ANKRD30B: variants seen among roughly 807,000 people sequenced by gnomAD.
ANKRD30B encodes ankyrin repeat domain-containing protein 30B.
In ANKRD30B, 144 loss-of-function variants were observed where a neutral mutation model predicts 202.2. The ratio of observed to expected loss-of-function variants is 0.71; its 90% CI spans 0.62 to 0.82. ANKRD30B has a LOEUF of 0.82. Among genes scored for constraint, ANKRD30B ranks in the 40% least tolerant of loss-of-function variants. ANKRD30B has a pLI of 0.00. For synonymous variants in ANKRD30B, 508 were observed against 561.3 expected (o/e 0.91, Z 1.34); for missense variants, 1,487 against 1,669.1 (o/e 0.89, Z 1.90).
chr18:14,803,589 GTTTCAACACA>G (rs1969321627), intron 23 of ANKRD30B, 135 bp from the exon 24 acceptor site: 1 of 917,372 alleles, frequency 1.1e-6, no homozygotes, highest in Admixed American at 2.1e-5. Flanking sequence ...AATGTTTTGG[GTTTCAACACA>G]TGTCTGCTCT....
At chr18:14,754,549 A>G (rs1914021111) in intron 3 of ANKRD30B, among the ~76,000 whole-genome samples, 2 of 152,170 alleles carry the variant, frequency 1.3e-5, no homozygotes, top group Non-Finnish European at 2.9e-5. Flanking sequence ...TCATTTAGTC[A>G]AAAACAAAGT....
intron 10 of ANKRD30B, among the ~76,000 whole-genome samples, chr18:14,778,584 G>A (rs1362624071): frequency 3.9e-5 from 6 of 152,160 alleles, no homozygotes; most frequent in African/African-American, 1.4e-4. Context: ...TGTTTTATCT[G>A]CAAAGGGTTA....
intron 30 of ANKRD30B, among the ~76,000 whole-genome samples, chr18:14,821,304 C>A (rs1970409529): frequency 6.6e-6 from 1 of 151,986 alleles, no homozygotes; most frequent in Non-Finnish European, 1.5e-5. Flanking sequence ...TTGATCCTTT[C>A]AAAAAACCAG....
At chr18:14,864,424 A>C in the ANKRD30B span, among the ~76,000 whole-genome samples, 1 of 152,206 alleles carries the variant, frequency 6.6e-6, no homozygotes, top group East Asian at 1.9e-4. Flanking sequence ...GAAGAGTATT[A>C]AAAAATCAGT....
At position 14,791,621 on chromosome 18, in the gene ANKRD30B, C is replaced by T. The variant is rs67282980; in HGVS notation, c.1825+130C>T. On this transcript the variant is annotated intron_variant, in intron 16 of 43. Coordinates refer to ENST00000690538, the MANE Select transcript of ANKRD30B (RefSeq NM_001367607.2). ...AAGCACAGAAAAAAGAGAAGTGAAA[C>T]GGTGATAAGTTATACGTCTTATCAG... 3,161 of 695,028 alleles carry T rather than the reference C, an allele frequency of 4.5e-3. 84 individuals are homozygous for T. In the African/African-American group the frequency reaches 0.051, roughly 11 times the overall value. 43.1% of individuals were successfully genotyped at this position (695,028 alleles called of 1,614,324 possible). A position where few individuals can be genotyped will look rare whatever the true frequency, so the allele number is the denominator to read the frequency against.
intron 8 of ANKRD30B, among the ~76,000 whole-genome samples, chr18:14,770,744 T>C (rs926959836): frequency 6.6e-6 from 1 of 152,030 alleles, no homozygotes; most frequent in Non-Finnish European, 1.5e-5. Flanking sequence ...TTCAAAGACG[T>C]CCTGAATAGG....
At chr18:14,833,360 T>A (rs1971037129) in intron 34 of ANKRD30B, among the ~76,000 whole-genome samples, 2 of 152,198 alleles carry the variant, frequency 1.3e-5, no homozygotes, top group Admixed American at 1.3e-4. Context: ...ACCATTCTCC[T>A]GCCTCAGCCT....
At chr18:14,818,306 TA>T (rs1970222961) in intron 30 of ANKRD30B, among the ~76,000 whole-genome samples, 2 of 152,170 alleles carry the variant, frequency 1.3e-5, no homozygotes, top group Non-Finnish European at 2.9e-5. Context: ...TAATGATATA[TA>T]AAAATTCTCT....
chr18:14,763,095 A>C (rs1220545166), intron 6 of ANKRD30B, among the ~76,000 whole-genome samples: 12 of 151,856 alleles, frequency 7.9e-5, no homozygotes, highest in Non-Finnish European at 1.3e-4. Context: ...CATTTTTCTT[A>C]TTATTATTAT....
chr18:14,907,473 G>A, the ANKRD30B span, among the ~76,000 whole-genome samples: 3 of 152,090 alleles, frequency 2.0e-5, no homozygotes, highest in Non-Finnish European at 4.4e-5. Context: ...TGTCCCACCC[G>A]GGCCTGGAGA....
downstream of ANKRD30B, among the ~76,000 whole-genome samples, chr18:14,858,605 A>G (rs1408695797): frequency 8.8e-6 from 1 of 113,490 alleles, no homozygotes; most frequent in Non-Finnish European, 1.9e-5. Context: ...CTCATTTCCC[A>G]GATGGGGCGG....
At chr18:14,804,383 A>C (rs908698313) in intron 24 of ANKRD30B, among the ~76,000 whole-genome samples, 1 of 122,638 alleles carries the variant, frequency 8.2e-6, no homozygotes, top group African/African-American at 3.2e-5. Flanking sequence ...GTTGAGAATA[A>C]GCATATATGC....
chr18:14,799,263 T>G lies in ANKRD30B; in HGVS notation c.2099T>G (p.Leu700Ter). Residue 700 changes from leucine (L) to a stop codon, truncating the protein, a stop_gained, in exon 22 of 44, where the codon TTA (leucine) becomes TGA (stop). Coordinates refer to ENST00000690538, the MANE Select transcript of ANKRD30B (RefSeq NM_001367607.2). LOFTEE classifies it high-confidence loss of function. Reference sequence around the variant, plus strand: ...AAAGTTTCTCTTCCAAATAAAGCTTTAGAATTGAAGGACAGAGAAACATTC... The same window carrying G: ...AAAGTTTCTCTTCCAAATAAAGCTTGAGAATTGAAGGACAGAGAAACATTC... Reference protein sequence around the residue: ...GRKVSLPNKALELKDRETFKA... With the variant: ...GRKVSLPNKA The G allele has an allele frequency of 6.4e-7, 1 of 1,550,694 alleles. No homozygotes were observed. Among genetic ancestry groups the G allele is most frequent in the Non-Finnish European group, 8.7e-7 (1 of 1,149,700 alleles).
the ANKRD30B span, chr18:14,888,607 A>T: frequency 3.9e-5 from 15 of 383,006 alleles, no homozygotes; most frequent in Middle Eastern, 4.8e-3. Flanking sequence ...GCCTTTCTTG[A>T]TTACTAAAAA....
At chr18:14,758,436 G>C (rs1298848244) in intron 5 of ANKRD30B, among the ~76,000 whole-genome samples, 2 of 152,160 alleles carry the variant, frequency 1.3e-5, no homozygotes, top group Non-Finnish European at 2.9e-5. Context: ...CGTTGCCATT[G>C]AAACTGCCCC....
chr18:14,909,011 G>A, the ANKRD30B span, among the ~76,000 whole-genome samples: 3 of 152,212 alleles, frequency 2.0e-5, no homozygotes, highest in East Asian at 5.8e-4. Flanking sequence ...CAGGGAAGCT[G>A]TCGGAGGATG....
chr18:14,926,971 G>A, the ANKRD30B span, among the ~76,000 whole-genome samples: 1 of 151,970 alleles, frequency 6.6e-6, no homozygotes, highest in Non-Finnish European at 1.5e-5. Flanking sequence ...TCTCTTTATA[G>A]AGACTATCTC....
At chr18:14,808,024 A>G (rs1355139830) in intron 24 of ANKRD30B, among the ~76,000 whole-genome samples, 1 of 151,186 alleles carries the variant, frequency 6.6e-6, no homozygotes, top group African/African-American at 2.4e-5. Flanking sequence ...ATCCTCTGCA[A>G]TGATAAGTAA....
intron 5 of ANKRD30B, among the ~76,000 whole-genome samples, chr18:14,759,025 T>C (rs1329156660): frequency 1.3e-5 from 2 of 152,214 alleles, no homozygotes; most frequent in African/African-American, 2.4e-5. Flanking sequence ...AAATCTTCCA[T>C]GTTACTTGCA....
Sources: gnomAD v4.1 joint callset for allele counts (sites outside exome capture counted in the v4.1 genomes callset) on GRCh38, gnomAD v4.1.1 for gene constraint, MANE v1.5 for transcripts, NCBI Gene and HGNC (gene_info 2026-07-23, HGNC 2026-07-21) for gene names.